The following TMEM67 variants were observed in gnomAD, a reference collection of about 807,000 sequenced individuals.
TMEM67 encodes meckelin.
In TMEM67, 124 loss-of-function variants were observed where a neutral mutation model predicts 136.6. The observed-to-expected ratio is 0.91, with a 90% CI of 0.78 to 1.05. The LOEUF is 1.05. Among genes scored for constraint, TMEM67 ranks in the 50% least tolerant of loss-of-function variants. TMEM67 has a pLI of 0.00. For missense variants in TMEM67, 1,107 were observed against 1,178.4 expected (o/e 0.94, Z 0.89); for synonymous variants, 364 against 390.5 (o/e 0.93, Z 0.80).
In TMEM67 at chr8:93,817,385, G is replaced by T. The variant is rs1057139293; in HGVS notation, c.*933G>T. 1 of 152,140 alleles carries T rather than the reference G, an allele frequency of 6.6e-6. No individual in the cohort carries two copies. The highest frequency in any genetic ancestry group is 1.5e-5 in the Non-Finnish European group (1 of 68,056). The allele number at this position is 152,140 out of a possible 1,614,324, so 9.4% of individuals were successfully genotyped here. A position where few individuals can be genotyped will look rare whatever the true frequency, so the allele number is the denominator to read the frequency against. On this transcript the variant is annotated 3_prime_UTR_variant, in exon 28 of 28. Coordinates refer to ENST00000453321, the MANE Select transcript of TMEM67 (RefSeq NM_153704.6). Reference sequence around the variant, plus strand: ...ATCTCTACAAAAAATACAAAAATTAGTTGGATGTGGTGGCCTGTAATCCCA... The same window carrying T: ...ATCTCTACAAAAAATACAAAAATTATTTGGATGTGGTGGCCTGTAATCCCA...
chr8:93,781,722 C>A lies in TMEM67; in HGVS notation c.1043C>A (p.Thr348Asn). The A allele has an allele frequency of 6.2e-7, 1 of 1,607,694 alleles. No individual in the cohort carries two copies. Among genetic ancestry groups the A allele is most frequent in the South Asian group, 1.1e-5 (1 of 90,384 alleles). The change falls in exon 10 of 28, where the codon ACT (threonine) becomes AAT (asparagine). Residue 348 changes from threonine (T) to asparagine (N), a missense_variant. Thr to Asn is a moderately conservative substitution (Grantham distance 65). This residue lies in a region of TMEM67 where 925 missense variants were observed against 1,002.4 expected (regional missense o/e 0.92). Transcript: ENST00000453321. The stretch of plus-strand genomic sequence containing the variant: ...AGAGGAAATTTTCTCAAGTGGCAAA[C>A]TTTAGAAGGAGGTGTTTTACAGGTA... Reference protein sequence around the residue: ...DIRGNFLKWQTLEGGVLQLCP... With the variant: ...DIRGNFLKWQNLEGGVLQLCP...
Position 93,780,991 on chromosome 8 carries a change from G to A in TMEM67, c.978+9G>A. 1 of 1,457,834 alleles carries A rather than the reference G, an allele frequency of 6.9e-7. No individual in the cohort carries two copies. The highest frequency in any genetic ancestry group is 9.6e-7 in the Non-Finnish European group (1 of 1,039,324). The allele number at this position is 1,457,834 out of a possible 1,614,324, so 90.3% of individuals were successfully genotyped here. On this transcript the variant is annotated intron_variant, in intron 9 of 27. Coordinates refer to ENST00000453321, the MANE Select transcript of TMEM67 (RefSeq NM_153704.6). ...TTAAAGGAGAAAACCAGGTAAAAGT[G>A]TCTAATATCATTAGAGGATAACTAC...
rs1399278353 is a variant in TMEM67 at position 93,758,773 on chromosome 8, A to G, written c.406+197A>G. 5 of 556,740 alleles carry G rather than the reference A, an allele frequency of 9.0e-6. No individual in the cohort carries two copies. The Admixed American group carries it at 1.3e-4, about 14-fold the overall frequency. The allele number at this position is 556,740 out of a possible 1,614,324, so 34.5% of individuals were successfully genotyped here. ...ACCACTGCAGCTGGCTAATTTTTAA[A>G]TTTTTTGTAGAGACTGGGTCTCGTT... is the stretch of plus-strand genomic sequence containing the variant. On this transcript the variant is annotated intron_variant, in intron 3 of 27. Coordinates refer to ENST00000453321, the MANE Select transcript of TMEM67 (RefSeq NM_153704.6).
intron 21 of TMEM67, among the ~76,000 whole-genome samples, chr8:93,801,330 G>C (rs1376309644): frequency 1.3e-5 from 2 of 151,930 alleles, no homozygotes; most frequent in Admixed American, 1.3e-4. Context: ...AACCTCCCAG[G>C]CTCAAGCAAT....
intron 27 of TMEM67, among the ~76,000 whole-genome samples, chr8:93,815,699 A>G (rs1413570383): frequency 6.6e-6 from 1 of 152,212 alleles, no homozygotes; most frequent in Non-Finnish European, 1.5e-5. Context: ...GAGGAATCCT[A>G]TAGGAAGACA....
intron 9 of TMEM67, among the ~76,000 whole-genome samples, 159 bp downstream of exon 9, chr8:93,781,141 G>A (rs1381494616): frequency 6.6e-6 from 1 of 152,206 alleles, no homozygotes; most frequent in East Asian, 1.9e-4. Context: ...ATAGTATAGA[G>A]TTTAGCTATC....
At chr8:93,756,082 A>G (rs1812560463) in intron 2 of TMEM67, 1 of 432,372 alleles carries the variant, frequency 2.3e-6, no homozygotes, top group East Asian at 4.2e-5. Context: ...TCTGAAATCC[A>G]AAAACCACAA....
At chr8:93,790,169 C>T (rs1462573636) in intron 14 of TMEM67, among the ~76,000 whole-genome samples, 3 of 152,102 alleles carry the variant, frequency 2.0e-5, no homozygotes, top group Non-Finnish European at 2.9e-5. Context: ...CTTAATTTCT[C>T]GTGGCAGCTG....
intron 20 of TMEM67, among the ~76,000 whole-genome samples, chr8:93,799,332 T>C (rs1215296260): frequency 1.3e-5 from 2 of 152,234 alleles, no homozygotes; most frequent in Non-Finnish European, 2.9e-5. Flanking sequence ...AGTTTTATCC[T>C]TTTAATTAAA....
At chr8:93,793,380 TA>T in intron 16 of TMEM67, 84 bp downstream of exon 16, 1 of 1,196,056 alleles carries the variant, frequency 8.4e-7, no homozygotes, top group Non-Finnish European at 1.2e-6. Context: ...AGAGAATAAG[TA>T]AAAAAGTTGC....
chr8:93,819,211 T>C (rs1809003233), downstream of TMEM67: 1 of 438,246 alleles, frequency 2.3e-6, no homozygotes, highest in Non-Finnish European at 4.5e-6. Flanking sequence ...TTCTTGCTAA[T>C]AAATTAATAA....
chr8:93,782,479 A>C lies in TMEM67; in HGVS notation c.1131+19A>C, dbSNP rs747877982. ...ACAAAATGTAAGTTTGAACGATATT[A>C]GTCTATATTTTAGCTTTATTTTTCA... On this transcript the variant is annotated intron_variant, in intron 11 of 27. Transcript: ENST00000453321. 5.0e-5 allele frequency: 80 copies of C among 1,588,890 alleles called. No individual in the cohort carries two copies. The highest frequency in any genetic ancestry group is 4.5e-4 in the Admixed American group (27 of 59,906).
chr8:93,792,227 A>G (rs1352966366), intron 15 of TMEM67, among the ~76,000 whole-genome samples: 1 of 151,654 alleles, frequency 6.6e-6, no homozygotes, highest in Admixed American at 6.6e-5. Flanking sequence ...TCTGGAGTGC[A>G]GTGGCGCTAT....
downstream of TMEM67, chr8:93,818,904 G>A: frequency 2.9e-6 from 1 of 345,946 alleles, no homozygotes; most frequent in Admixed American, 4.2e-5. Flanking sequence ...CTAGGCTCAA[G>A]CAGTCCTCCA....
At chr8:93,770,751 A>T (rs1033488086) in intron 6 of TMEM67, among the ~76,000 whole-genome samples, 1 of 152,054 alleles carries the variant, frequency 6.6e-6, no homozygotes, top group African/African-American at 2.4e-5. Flanking sequence ...GCGGTGGCTC[A>T]CTCCTTTAAT....
chr8:93,783,278 G>A (rs868190941), intron 11 of TMEM67, among the ~76,000 whole-genome samples: 2 of 152,142 alleles, frequency 1.3e-5, no homozygotes, highest in Non-Finnish European at 2.9e-5. Flanking sequence ...GAGCCACCTC[G>A]TCCGGCCTAG....
chr8:93,816,137 C>T (rs1290495172), intron 27 of TMEM67, among the ~76,000 whole-genome samples: 1 of 152,080 alleles, frequency 6.6e-6, no homozygotes, highest in East Asian at 1.9e-4. Context: ...TTTCTGTGAA[C>T]ATGAGAGAAT....
intron 17 of TMEM67, 126 bp downstream of exon 17, chr8:93,795,633 C>T (rs1586067654): frequency 1.2e-6 from 1 of 815,488 alleles, no homozygotes; most frequent in Non-Finnish European, 2.1e-6. Context: ...TTCCCAACTC[C>T]CCATTCCTTG....
chr8:93,808,510 A>AATAGATC (rs1808547922), intron 23 of TMEM67, among the ~76,000 whole-genome samples: 28 of 13,056 alleles, frequency 2.1e-3, no homozygotes, highest in East Asian at 3.2e-3. Flanking sequence ...ATAGATGAAT[A>AATAGATC]TATATATTTA....
Sources: gnomAD v4.1 joint callset for allele counts (sites outside exome capture counted in the v4.1 genomes callset) on GRCh38, gnomAD v4.1.1 for gene constraint, gnomAD v4.1.1 regional missense constraint, MANE v1.5 for transcripts, NCBI Gene and HGNC (gene_info 2026-07-23, HGNC 2026-07-21) for gene names.